SV2C: variants seen among roughly 807,000 people sequenced by gnomAD.
SV2C encodes synaptic vesicle glycoprotein 2C.
SV2C carries 49 observed loss-of-function variants against 79.7 expected under a neutral mutation model. That is an observed-to-expected ratio of 0.61 (90% CI 0.49 to 0.78). The LOEUF (loss-of-function observed/expected upper bound fraction) is 0.78. Among genes scored for constraint, SV2C ranks in the 30% least tolerant of loss-of-function variants. The pLI is 0.00. For synonymous variants in SV2C, 334 were observed against 333.2 expected, an observed-to-expected ratio of 1.00 and a Z score of -0.03; for missense variants, 833 against 912.9, an observed-to-expected ratio of 0.91 and a Z score of 1.13.
At chr5:75,951,413 G>A in the SV2C span, among the ~76,000 whole-genome samples, 2 of 151,938 alleles carry the variant, frequency 1.3e-5, no homozygotes, top group Non-Finnish European at 2.9e-5. Flanking sequence ...TGGGAAACAG[G>A]AACTGCCAGG....
chr5:75,954,552 G>A, the SV2C span, among the ~76,000 whole-genome samples: 21 of 150,716 alleles, frequency 1.4e-4, no homozygotes, highest in Middle Eastern at 3.2e-3. Flanking sequence ...AGGACGATCA[G>A]GCAGGAGAAG....
chr5:76,142,517 C>T (rs1749288062), intron 2 of SV2C, among the ~76,000 whole-genome samples: 1 of 152,328 alleles, frequency 6.6e-6, no homozygotes, highest in East Asian at 1.9e-4. Context: ...TTGTGGGCAT[C>T]AGTGAGTATA....
chr5:76,257,273 G>A (rs1579994088), intron 4 of SV2C, among the ~76,000 whole-genome samples: 1 of 63,988 alleles, frequency 1.6e-5, no homozygotes, highest in Non-Finnish European at 2.9e-5. Context: ...ATGTGTGTGT[G>A]TGTGTGTGTG....
chr5:76,245,913 T>A (rs1203988537), intron 4 of SV2C, among the ~76,000 whole-genome samples: 2 of 31,950 alleles, frequency 6.3e-5, no homozygotes, highest in South Asian at 1.7e-3. Flanking sequence ...GGCAGGGGAG[T>A]GTGTGTGTGT....
the SV2C span, among the ~76,000 whole-genome samples, chr5:75,992,045 C>T: frequency 6.6e-6 from 1 of 151,998 alleles, no homozygotes; most frequent in East Asian, 1.9e-4. Flanking sequence ...TTTCCCTGGG[C>T]CGCCTCCATT....
chr5:76,186,332 C>G (rs1308721443), intron 2 of SV2C, among the ~76,000 whole-genome samples: 1 of 152,100 alleles, frequency 6.6e-6, no homozygotes, highest in Non-Finnish European at 1.5e-5. Flanking sequence ...TACCCAGTAC[C>G]AATTTAGTGT....
At chr5:76,013,118 C>T in the SV2C span, among the ~76,000 whole-genome samples, 16 of 151,968 alleles carry the variant, frequency 1.1e-4, no homozygotes, top group South Asian at 2.1e-4. Flanking sequence ...TGAAATGTAA[C>T]GTAGATTTTT....
At chr5:76,324,162 G>A (rs1410806136) in intron 12 of SV2C, among the ~76,000 whole-genome samples, 2 of 151,938 alleles carry the variant, frequency 1.3e-5, no homozygotes, top group African/African-American at 4.8e-5. Context: ...GTCTTGCTAT[G>A]TTGCCCAGGC....
At chr5:75,971,476 G>T in the SV2C span, among the ~76,000 whole-genome samples, 14 of 152,072 alleles carry the variant, frequency 9.2e-5, no homozygotes, top group Admixed American at 2.6e-4. Flanking sequence ...CTTCAGCAAA[G>T]TCTCAGGATA....
At position 76,196,887 on chromosome 5, in the gene SV2C, T is replaced by C. The variant is rs77956454; in HGVS notation, c.761+1788T>C. ...AGAGAAAAAGGTCCACTGTGGTGGC[T>C]GCAAAATATTCCAAACCAATGGCCT... On this transcript the variant is annotated intron_variant, in intron 3 of 12. Transcript: ENST00000502798. Among the ~76,000 whole-genome samples the C allele has an allele frequency of 1.7e-3, 265 of 152,338 alleles. 5 individuals carry two copies. The East Asian group carries it at 0.044, about 25-fold the overall frequency.
upstream of SV2C, among the ~76,000 whole-genome samples, chr5:76,080,280 G>A (rs1421495658): frequency 6.6e-6 from 1 of 152,220 alleles, no homozygotes; most frequent in Non-Finnish European, 1.5e-5. Flanking sequence ...TGTTGTGGAA[G>A]CTGAGTGTTG....
At chr5:76,266,660 G>A (rs997248465) in intron 4 of SV2C, among the ~76,000 whole-genome samples, 2 of 152,172 alleles carry the variant, frequency 1.3e-5, no homozygotes, top group African/African-American at 4.8e-5. Flanking sequence ...ATGAGGGTAG[G>A]GCAGGAATGA....
chr5:75,888,719 C>G, the SV2C span, among the ~76,000 whole-genome samples: 4 of 152,094 alleles, frequency 2.6e-5, no homozygotes, highest in Admixed American at 2.6e-4. Flanking sequence ...GTTCCCGTGG[C>G]TTAGCATAAT....
At chr5:75,969,889 C>G in the SV2C span, among the ~76,000 whole-genome samples, 2 of 152,108 alleles carry the variant, frequency 1.3e-5, no homozygotes, top group African/African-American at 4.8e-5. Flanking sequence ...AGCATCACAC[C>G]ACACCTATTC....
At chr5:75,906,033 G>A in the SV2C span, among the ~76,000 whole-genome samples, 92 of 151,466 alleles carry the variant, frequency 6.1e-4, no homozygotes, top group Non-Finnish European at 9.9e-4. Context: ...GTGATGATGA[G>A]AGTGGAGATG....
the SV2C span, among the ~76,000 whole-genome samples, chr5:76,050,055 G>A: frequency 6.6e-6 from 1 of 152,086 alleles, no homozygotes; most frequent in Non-Finnish European, 1.5e-5. Flanking sequence ...TGCAAAATGT[G>A]GCCAATATGG....
chr5:75,871,828 T>C, the SV2C span, among the ~76,000 whole-genome samples: 830 of 118,638 alleles, frequency 7.0e-3, 6 homozygotes, highest in African/African-American at 0.026. Context: ...TATATATATA[T>C]ATATATACAC....
chr5:75,872,425 A>G, the SV2C span, among the ~76,000 whole-genome samples: 1 of 152,086 alleles, frequency 6.6e-6, no homozygotes, highest in Non-Finnish European at 1.5e-5. Context: ...CTGGAATGGT[A>G]TTTTTTGGGA....
In SV2C at chr5:76,194,999, C is replaced by G. The variant is rs1290610267; in HGVS notation, c.661C>G (p.Leu221Val). 1 of 1,613,930 alleles carries G rather than the reference C, an allele frequency of 6.2e-7. No homozygotes were observed. Among genetic ancestry groups the G allele is most frequent in the African/African-American group, 1.3e-5 (1 of 74,908 alleles). The change falls in exon 3 of 13, where the codon CTT (leucine) becomes GTT (valine). Residue 221 changes from leucine to valine, a missense_variant. Coordinates refer to ENST00000502798, the MANE Select transcript of SV2C (RefSeq NM_014979.4). ...LADKVGRKQS[L>V]LICMSVNGFF... ...AGACAAAGTGGGAAGGAAACAGTCTCTTCTGATTTGCATGTCTGTCAACGG... is the reference window on the plus strand; with the variant it reads ...AGACAAAGTGGGAAGGAAACAGTCTGTTCTGATTTGCATGTCTGTCAACGG...
Sources: allele counts gnomAD v4.1 joint callset (sites outside exome capture counted in the v4.1 genomes callset), GRCh38; gene constraint gnomAD v4.1.1; transcripts MANE v1.5; gene names NCBI Gene and HGNC (gene_info 2026-07-23, HGNC 2026-07-21).